PTCHD4: variants seen among roughly 807,000 people sequenced by gnomAD.
The protein encoded by PTCHD4 is patched domain-containing protein 4.
Under a neutral mutation model 58.1 loss-of-function variants are expected in PTCHD4, and 33 were observed. The ratio of observed to expected loss-of-function variants is 0.57; its 90% CI spans 0.43 to 0.76. PTCHD4 has a LOEUF of 0.76. Ranked by LOEUF, PTCHD4 falls within the 30% of genes least tolerant of loss-of-function variation. The pLI, the probability that PTCHD4 is intolerant of heterozygous loss-of-function variation, is 0.00. For missense variants in PTCHD4, 1,058 were observed against 1,027.1 expected, an observed-to-expected ratio of 1.03 and a Z score of -0.41; for synonymous variants, 478 against 409.6, an observed-to-expected ratio of 1.17 and a Z score of -2.02.
intron 4 of PTCHD4, among the ~76,000 whole-genome samples, chr6:47,964,154 G>T (rs1482749173): frequency 1.3e-5 from 2 of 152,172 alleles, no homozygotes; most frequent in African/African-American, 2.4e-5. Flanking sequence ...TGGAAGAGAG[G>T]AATGGGAAAT....
At chr6:47,964,824 G>A (rs563442710) in intron 4 of PTCHD4, among the ~76,000 whole-genome samples, 7 of 152,094 alleles carry the variant, frequency 4.6e-5, no homozygotes, top group South Asian at 2.1e-4. Flanking sequence ...AATAATTAGC[G>A]GAAGATACCC....
intron 1 of PTCHD4, among the ~76,000 whole-genome samples, chr6:48,097,061 CTTAAT>C (rs1765485879): frequency 6.6e-6 from 1 of 151,948 alleles, no homozygotes; most frequent in East Asian, 1.9e-4. Flanking sequence ...TTCTTTGTTA[CTTAAT>C]TTAAACATTT....
chr6:47,939,761 G>C (rs1766138853), intron 4 of PTCHD4, among the ~76,000 whole-genome samples: 1 of 152,030 alleles, frequency 6.6e-6, no homozygotes, highest in Admixed American at 6.6e-5. Context: ...TTACAGTTTT[G>C]ACACGTGATG....
chr6:48,091,198 A>T (rs1475779044), intron 1 of PTCHD4, among the ~76,000 whole-genome samples: 1 of 152,088 alleles, frequency 6.6e-6, no homozygotes, highest in African/African-American at 2.4e-5. Flanking sequence ...TAAATTTTTT[A>T]TGGCTTTTAC....
chr6:47,882,741 G>GAGATTATATATATATATATATATATAT (rs143060584), intron 4 of PTCHD4, among the ~76,000 whole-genome samples: 1 of 102,374 alleles, frequency 9.8e-6, no homozygotes, highest in East Asian at 3.4e-4. Context: ...TGATTCCAGT[G>GAGATTATATATATATATATATATATAT]ATATATATAT....
chr6:47,928,000 A>G (rs979706337), intron 4 of PTCHD4, among the ~76,000 whole-genome samples: 1 of 152,068 alleles, frequency 6.6e-6, no homozygotes, highest in Non-Finnish European at 1.5e-5. Flanking sequence ...AGATTGCATC[A>G]TTGTCTTTCA....
chr6:47,901,285 TAA>T, intron 4 of PTCHD4: 1 of 249,408 alleles, frequency 4.0e-6, no homozygotes, highest in Non-Finnish European at 6.4e-6. Context: ...CTCAAGTTCA[TAA>T]AGTTATTAAC....
intron 4 of PTCHD4, among the ~76,000 whole-genome samples, chr6:47,945,779 T>A (rs150238694): frequency 5.9e-5 from 9 of 151,934 alleles, no homozygotes; most frequent in African/African-American, 2.2e-4. Flanking sequence ...TTTAATTAGA[T>A]CATCTTTACT....
Position 48,069,047 on chromosome 6 carries a change from C to T in PTCHD4, c.-90G>A, listed in dbSNP as rs924067437. 6.8e-6 allele frequency among the ~76,000 whole-genome samples: 1 copy of T among 146,996 alleles called. No individual in the cohort carries two copies. ...AGGTGGTTCCGTGTGGAGCGTCCCA[C>T]AGATGTGGATTTCCTCTCTGTCTTG... On this transcript the variant is annotated 5_prime_UTR_variant, in exon 2 of 5. The change creates a new upstream start codon in the 5' untranslated region. Coordinates refer to ENST00000339488, the MANE Select transcript of PTCHD4 (RefSeq NM_001384253.1).
intron 4 of PTCHD4, among the ~76,000 whole-genome samples, chr6:47,919,269 T>C (rs1010510039): frequency 7.2e-5 from 11 of 152,178 alleles, no homozygotes; most frequent in African/African-American, 2.7e-4. Context: ...GTTCTAATGA[T>C]GAATTTGATG....
chr6:48,109,501 T>A (rs532414959), intron 1 of PTCHD4, among the ~76,000 whole-genome samples: 1 of 152,160 alleles, frequency 6.6e-6, no homozygotes, highest in Non-Finnish European at 1.5e-5. Context: ...TGACAATGAG[T>A]TTTTTGTATA....
At chr6:47,928,900 T>C (rs887682135) in intron 4 of PTCHD4, among the ~76,000 whole-genome samples, 2 of 152,170 alleles carry the variant, frequency 1.3e-5, no homozygotes, top group Non-Finnish European at 2.9e-5. Flanking sequence ...ATCATAATGG[T>C]GCTTGTGAGG....
intron 3 of PTCHD4, among the ~76,000 whole-genome samples, chr6:48,012,200 T>C (rs1408992761): frequency 2.6e-5 from 4 of 152,222 alleles, no homozygotes; most frequent in Non-Finnish European, 5.9e-5. Flanking sequence ...TTCCTATCCA[T>C]GAGCATGGAA....
chr6:47,907,794 C>T (rs984764780), intron 4 of PTCHD4, among the ~76,000 whole-genome samples: 1 of 152,104 alleles, frequency 6.6e-6, no homozygotes, highest in African/African-American at 2.4e-5. Flanking sequence ...CTTCCAATTC[C>T]ACCTGTGGCA....
intron 4 of PTCHD4, among the ~76,000 whole-genome samples, chr6:47,952,457 T>C (rs79374455): frequency 0.016 from 2,370 of 152,174 alleles, 32 homozygotes; most frequent in Non-Finnish European, 0.025. Flanking sequence ...TACTCAGTGG[T>C]AAATGTTTGC....
intron 4 of PTCHD4, among the ~76,000 whole-genome samples, chr6:47,964,929 G>A (rs1351017406): frequency 1.3e-5 from 2 of 152,120 alleles, no homozygotes; most frequent in Non-Finnish European, 2.9e-5. Context: ...TAAAAAAACA[G>A]CACACTCGAG....
chr6:48,038,194 C>T (rs1417676472), intron 3 of PTCHD4, among the ~76,000 whole-genome samples: 4 of 148,292 alleles, frequency 2.7e-5, no homozygotes, highest in Non-Finnish European at 4.6e-5. Context: ...TTAAATTATC[C>T]GTGTCTCCTG....
chr6:48,036,070 C>G (rs534463505), intron 3 of PTCHD4, among the ~76,000 whole-genome samples: 6 of 151,792 alleles, frequency 4.0e-5, no homozygotes, highest in Admixed American at 6.6e-5. Flanking sequence ...AATCACTGTC[C>G]TAGAGCTTCC....
intron 4 of PTCHD4, among the ~76,000 whole-genome samples, chr6:47,997,280 A>G (rs1422324483): frequency 6.6e-6 from 1 of 151,718 alleles, no homozygotes; most frequent in Non-Finnish European, 1.5e-5. Context: ...AAGTAGTTTT[A>G]CCTAATTTTG....
Sources: allele counts gnomAD v4.1 joint callset (sites outside exome capture counted in the v4.1 genomes callset), GRCh38; gene constraint gnomAD v4.1.1; transcripts MANE v1.5; gene names NCBI Gene and HGNC (gene_info 2026-07-23, HGNC 2026-07-21).